Variants in MSI2 observed in about 807,000 individuals in gnomAD.
MSI2 encodes RNA-binding protein Musashi homolog 2.
MSI2 carries 17 observed loss-of-function variants against 45.6 expected under a neutral mutation model. The ratio of observed to expected loss-of-function variants is 0.37; its 90% confidence interval spans 0.26 to 0.56. The LOEUF (loss-of-function observed/expected upper bound fraction) is 0.56. Among genes scored for constraint, MSI2 ranks in the 20% least tolerant of loss-of-function variants. The pLI, the probability that MSI2 is intolerant of heterozygous loss-of-function variation, is 0.77. For missense variants in MSI2, 293 were observed against 444.2 expected (o/e 0.66, Z 3.06); for synonymous variants, 156 against 158.2 (o/e 0.99, Z 0.11).
At chr17:57,672,364 T>C (rs1463358067) in intron 11 of MSI2, among the ~76,000 whole-genome samples, 1 of 152,206 alleles carries the variant, frequency 6.6e-6, no homozygotes, top group African/African-American at 2.4e-5. Flanking sequence ...CACACAGGAA[T>C]GGGAGCGGTT....
intron 6 of MSI2, among the ~76,000 whole-genome samples, chr17:57,491,565 T>C (rs1232018089): frequency 6.6e-6 from 1 of 152,084 alleles, no homozygotes; most frequent in African/African-American, 2.4e-5. Flanking sequence ...AGCCAGAGGG[T>C]CTTGGCCTTT....
At chr17:57,621,435 T>C (rs1908282169) in intron 9 of MSI2, among the ~76,000 whole-genome samples, 1 of 152,228 alleles carries the variant, frequency 6.6e-6, no homozygotes, top group South Asian at 2.1e-4. Context: ...ACATTAAAAT[T>C]CATTCATTCA....
chr17:57,439,395 C>T (rs1023264869), intron 6 of MSI2, among the ~76,000 whole-genome samples: 1 of 152,174 alleles, frequency 6.6e-6, no homozygotes, highest in African/African-American at 2.4e-5. Flanking sequence ...GCAGAAAGCA[C>T]TTCCTTGGCT....
intron 2 of MSI2, 89 bp downstream of exon 2, chr17:57,257,227 C>A (rs1250054718): frequency 1.0e-5 from 5 of 481,128 alleles, no homozygotes; most frequent in Non-Finnish European, 1.7e-5. Context: ...CCCCCCCCCC[C>A]CCGCCATTGG....
intron 6 of MSI2, among the ~76,000 whole-genome samples, chr17:57,509,610 G>A (rs1019872099): frequency 6.6e-6 from 1 of 152,094 alleles, no homozygotes; most frequent in East Asian, 1.9e-4. Context: ...TAGTAGAGAT[G>A]GTGTTTCACC....
chr17:57,434,071 T>C (rs1461111151), intron 6 of MSI2, among the ~76,000 whole-genome samples: 2 of 152,220 alleles, frequency 1.3e-5, no homozygotes, highest in Non-Finnish European at 2.9e-5. Context: ...TTCACATACT[T>C]ATCATTTCTT....
intron 5 of MSI2, among the ~76,000 whole-genome samples, chr17:57,376,284 G>A (rs951876227): frequency 2.0e-5 from 3 of 152,212 alleles, no homozygotes; most frequent in African/African-American, 4.8e-5. Flanking sequence ...CCATTTCATA[G>A]ATGAGGAAAC....
chr17:57,673,988 C>G (rs1913020344), intron 11 of MSI2, among the ~76,000 whole-genome samples: 1 of 151,698 alleles, frequency 6.6e-6, no homozygotes, highest in Non-Finnish European at 1.5e-5. Flanking sequence ...TTTAAATCCC[C>G]CCTTTCCTTC....
intron 6 of MSI2, among the ~76,000 whole-genome samples, chr17:57,412,760 T>C (rs1159410119): frequency 1.3e-5 from 2 of 152,204 alleles, no homozygotes; most frequent in Non-Finnish European, 2.9e-5. Context: ...GCCCTCAGAC[T>C]GTATAGTTTT....
At chr17:57,325,100 A>G (rs953268924) in intron 5 of MSI2, among the ~76,000 whole-genome samples, 2 of 152,236 alleles carry the variant, frequency 1.3e-5, no homozygotes, top group Admixed American at 1.3e-4. Flanking sequence ...TGAATGGATA[A>G]AGAAAATGTG....
intron 6 of MSI2, among the ~76,000 whole-genome samples, chr17:57,513,826 C>T (rs564180194): frequency 1.2e-4 from 18 of 152,196 alleles, no homozygotes; most frequent in Non-Finnish European, 2.1e-4. Flanking sequence ...AAATTCCTAT[C>T]GTTCTTAGAA....
At chr17:57,532,982 G>A (rs9303394) in intron 7 of MSI2, among the ~76,000 whole-genome samples, 115,948 of 152,202 alleles carry the variant, frequency 0.76, 44,271 homozygotes, top group Middle Eastern at 0.8. Flanking sequence ...TTTGCTGCTC[G>A]GGGATAACCA....
chr17:57,282,310 A>T (rs1322356988), intron 5 of MSI2, among the ~76,000 whole-genome samples: 1 of 152,152 alleles, frequency 6.6e-6, no homozygotes, highest in Non-Finnish European at 1.5e-5. Context: ...AGGAATCCAG[A>T]AGTTTCTATT....
intron 7 of MSI2, among the ~76,000 whole-genome samples, chr17:57,535,556 G>A (rs1349246949): frequency 1.3e-5 from 2 of 152,248 alleles, no homozygotes; most frequent in African/African-American, 4.8e-5. Flanking sequence ...GCAGTTAGCA[G>A]TTGCTTATTA....
intron 6 of MSI2, among the ~76,000 whole-genome samples, chr17:57,431,716 AG>A (rs563621503): frequency 8.1e-4 from 123 of 152,326 alleles, no homozygotes; most frequent in African/African-American, 2.9e-3. Flanking sequence ...GCCTTCTGGA[AG>A]ACTTGATTGT....
intron 6 of MSI2, among the ~76,000 whole-genome samples, chr17:57,414,336 C>T (rs988999849): frequency 2.6e-5 from 4 of 151,798 alleles, no homozygotes; most frequent in Non-Finnish European, 4.4e-5. Flanking sequence ...TCCTCTGTAT[C>T]GGAGGGCAGG....
intron 7 of MSI2, among the ~76,000 whole-genome samples, chr17:57,574,831 T>C (rs1468373721): frequency 6.9e-6 from 1 of 145,656 alleles, no homozygotes; most frequent in Non-Finnish European, 1.5e-5. Flanking sequence ...TCTCTCTCTT[T>C]TTTTTTTTTT....
intron 1 of MSI2, 121 bp downstream of exon 1, chr17:57,256,925 C>G: frequency 1.9e-6 from 1 of 535,712 alleles, no homozygotes. Context: ...CGCGCCCCCC[C>G]CGTGGAAGTT....
intron 5 of MSI2, among the ~76,000 whole-genome samples, chr17:57,301,012 GTC>G (rs1911374808): frequency 6.6e-6 from 1 of 152,200 alleles, no homozygotes; most frequent in Non-Finnish European, 1.5e-5. Flanking sequence ...GTCCTAGAAA[GTC>G]TTTGTAAGCT....
Sources: allele counts gnomAD v4.1 joint callset (sites outside exome capture counted in the v4.1 genomes callset), GRCh38; gene constraint gnomAD v4.1.1; transcripts MANE v1.5; gene names NCBI Gene and HGNC (gene_info 2026-07-23, HGNC 2026-07-21).